The following IMPG1 variants were observed in gnomAD, a reference collection of about 807,000 sequenced individuals.
The protein encoded by IMPG1 is interphotoreceptor matrix proteoglycan 1.
Under a neutral mutation model 92.0 loss-of-function variants are expected in IMPG1, and 85 were observed. That is an observed-to-expected ratio of 0.92 (90% CI 0.78 to 1.11). The LOEUF (loss-of-function observed/expected upper bound fraction) is 1.11. Ranked by LOEUF, IMPG1 falls within the 50% of genes least tolerant of loss-of-function variation. The pLI is 0.00. For missense variants in IMPG1, 1,022 were observed against 956.0 expected (o/e 1.07, Z -0.91); for synonymous variants, 367 against 334.1 (o/e 1.10, Z -1.08).
intron 12 of IMPG1, among the ~76,000 whole-genome samples, chr6:75,992,581 C>T (rs753385578): frequency 6.6e-6 from 1 of 152,288 alleles, no homozygotes; most frequent in African/African-American, 2.4e-5. Context: ...AAATACAGAA[C>T]AAAATCCTCC....
intron 3 of IMPG1, 74 bp downstream of exon 3, chr6:76,034,547 C>A: frequency 1.3e-6 from 2 of 1,507,086 alleles, no homozygotes; most frequent in South Asian, 2.4e-5. Flanking sequence ...GAAACCAATT[C>A]AAAAGGCCTA....
chr6:76,010,597 G>T (rs1783167533), intron 8 of IMPG1, among the ~76,000 whole-genome samples: 1 of 152,016 alleles, frequency 6.6e-6, no homozygotes, highest in Admixed American at 6.6e-5. Context: ...AGTGGTAATA[G>T]ATTACTATGA....
At chr6:75,924,675 T>TA (rs1295501393) in intron 15 of IMPG1, among the ~76,000 whole-genome samples, 6 of 1,350 alleles carry the variant, frequency 4.4e-3, no homozygotes, top group Admixed American at 0.042. Flanking sequence ...ATAAATTATA[T>TA]ATTATATATT....
rs143408464 is a variant in IMPG1 at position 76,032,857 on chromosome 6, C to T, written c.497+1458G>A. On this transcript the variant is annotated intron_variant, in intron 4 of 16. Coordinates refer to ENST00000369950, the MANE Select transcript of IMPG1 (RefSeq NM_001563.4). The stretch of plus-strand genomic sequence containing the variant: ...TGAGGAAGAGGCATGGTGGCAGCCG[C>T]GGAATCATGGATAATAATAATGGGG... Among the ~76,000 whole-genome samples the T allele has an allele frequency of 5.5e-3, 833 of 152,096 alleles. 7 individuals carry two copies. The highest frequency in any genetic ancestry group is 0.01 in the Middle Eastern group (3 of 294).
At chr6:76,068,843 C>A (rs1231835774) in intron 1 of IMPG1, among the ~76,000 whole-genome samples, 1 of 151,732 alleles carries the variant, frequency 6.6e-6, no homozygotes, top group Non-Finnish European at 1.5e-5. Flanking sequence ...AAACAATCCC[C>A]GAATTCAATG....
intron 1 of IMPG1, among the ~76,000 whole-genome samples, chr6:76,045,438 C>T (rs906261056): frequency 2.4e-5 from 3 of 123,412 alleles, no homozygotes; most frequent in Admixed American, 9.2e-5. Context: ...AAACAACCTC[C>T]ATCTTTTTTT....
intron 12 of IMPG1, among the ~76,000 whole-genome samples, chr6:75,980,401 G>A (rs1782607870): frequency 6.6e-6 from 1 of 152,178 alleles, no homozygotes; most frequent in African/African-American, 2.4e-5. Context: ...TGACTGGATT[G>A]AAGGATGCAA....
chr6:76,064,717 C>T (rs1784277737), intron 1 of IMPG1, among the ~76,000 whole-genome samples: 1 of 152,174 alleles, frequency 6.6e-6, no homozygotes, highest in Non-Finnish European at 1.5e-5. Flanking sequence ...AGCCCATTGC[C>T]TGGAACAATG....
intron 6 of IMPG1, among the ~76,000 whole-genome samples, chr6:76,020,197 C>T (rs1441183969): frequency 6.6e-6 from 1 of 152,072 alleles, no homozygotes; most frequent in Non-Finnish European, 1.5e-5. Flanking sequence ...GGACTACAGG[C>T]ATGGACCACC....
intron 12 of IMPG1, among the ~76,000 whole-genome samples, chr6:75,993,359 A>G (rs1211708703): frequency 6.6e-6 from 1 of 152,176 alleles, no homozygotes; most frequent in African/African-American, 2.4e-5. Context: ...TCAGGAGGCC[A>G]TGAAGTCCAA....
chr6:76,020,639 T>C (rs1445865875), intron 6 of IMPG1, among the ~76,000 whole-genome samples: 3 of 152,114 alleles, frequency 2.0e-5, no homozygotes, highest in Non-Finnish European at 4.4e-5. Flanking sequence ...CCACTCCTTA[T>C]ACTACTGCCT....
chr6:75,992,906 T>C (rs1251573538), intron 12 of IMPG1, among the ~76,000 whole-genome samples: 1 of 152,246 alleles, frequency 6.6e-6, no homozygotes, highest in Admixed American at 6.5e-5. Flanking sequence ...TGCTTCTCAC[T>C]GTTTTTCTCC....
At chr6:76,045,504 G>A (rs943086) in intron 1 of IMPG1, among the ~76,000 whole-genome samples, 77,941 of 143,520 alleles carry the variant, frequency 0.54, 22,194 homozygotes, top group Non-Finnish European at 0.64. Context: ...CTGTTTCTGT[G>A]ACACAAAACC....
At chr6:75,974,408 CCTTCCTTCCTTCCTTCCTTG>C (rs1782495497) in intron 12 of IMPG1, among the ~76,000 whole-genome samples, 2 of 123,034 alleles carry the variant, frequency 1.6e-5, no homozygotes, top group African/African-American at 3.0e-5. Flanking sequence ...TTCTTTCCTT[CCTTCCTTCCTTCCTTCCTTG>C]CTTCCTTCCT....
In IMPG1 at chr6:76,067,013, C is replaced by A. The variant is rs76218972; in HGVS notation, c.67+5409G>T. On this transcript the variant is annotated intron_variant, in intron 1 of 16. Transcript: ENST00000369950. ...ATTGAAACTTACGAAAATAGAGACA[C>A]AACATACCTCTGGGATACAGCCAAA... Among the ~76,000 whole-genome samples, 1,120 of 151,904 alleles carry A rather than the reference C, an allele frequency of 7.4e-3. 16 individuals are homozygous for A. Among genetic ancestry groups the A allele is most frequent in the African/African-American group, 0.026 (1,059 of 41,490 alleles).
At chr6:75,972,758 A>G (rs1782444474) in intron 12 of IMPG1, among the ~76,000 whole-genome samples, 1 of 152,200 alleles carries the variant, frequency 6.6e-6, no homozygotes, top group Non-Finnish European at 1.5e-5. Flanking sequence ...TAAATCAATC[A>G]ATTTTCAAAC....
At chr6:75,930,713 G>C (rs540774173) in intron 15 of IMPG1, among the ~76,000 whole-genome samples, 3 of 152,188 alleles carry the variant, frequency 2.0e-5, no homozygotes, top group Non-Finnish European at 4.4e-5. Flanking sequence ...TCAAAGTGGG[G>C]TCCTAGGACC....
At chr6:76,051,726 C>A (rs180706872) in intron 1 of IMPG1, among the ~76,000 whole-genome samples, 222 of 152,208 alleles carry the variant, frequency 1.5e-3, no homozygotes, top group African/African-American at 4.9e-3. Flanking sequence ...TTTTTACCTC[C>A]CAAACTGGCA....
intron 10 of IMPG1, among the ~76,000 whole-genome samples, chr6:76,004,935 G>T (rs1357848950): frequency 6.6e-6 from 1 of 152,072 alleles, no homozygotes; most frequent in Non-Finnish European, 1.5e-5. Flanking sequence ...TCTGTTTCTC[G>T]CTGAGACCTG....
Sources: gnomAD v4.1 joint callset for allele counts (sites outside exome capture counted in the v4.1 genomes callset) on GRCh38, gnomAD v4.1.1 for gene constraint, MANE v1.5 for transcripts, NCBI Gene and HGNC (gene_info 2026-07-23, HGNC 2026-07-21) for gene names.